The following HDAC9 variants were observed in gnomAD, a reference collection of about 807,000 sequenced individuals.
HDAC9 encodes MEF-2 interacting transcription repressor (MITR) protein.
In HDAC9, 41 loss-of-function variants were observed where a neutral mutation model predicts 139.4. The observed-to-expected ratio is 0.29, with a 90% confidence interval of 0.23 to 0.38. The LOEUF is 0.38. Ranked by LOEUF, HDAC9 falls within the 10% of genes least tolerant of loss-of-function variation. The pLI is 1.00. For synonymous variants in HDAC9, 517 were observed against 476.2 expected (o/e 1.09, Z -1.12); for missense variants, 1,147 against 1,297.0 (o/e 0.88, Z 1.78).
At chr7:18,195,655 C>A (rs1790674517) in intron 2 of HDAC9, among the ~76,000 whole-genome samples, 1 of 152,146 alleles carries the variant, frequency 6.6e-6, no homozygotes. Context: ...GCCTGCTTCT[C>A]CTCAGCCCTA....
At chr7:18,340,309 C>T (rs1781905977) in intron 1 of HDAC9, among the ~76,000 whole-genome samples, 1 of 151,322 alleles carries the variant, frequency 6.6e-6, no homozygotes, top group Non-Finnish European at 1.5e-5. Context: ...ATTTTTAATC[C>T]AATCTGGTAA....
intron 13 of HDAC9, among the ~76,000 whole-genome samples, chr7:18,746,177 A>G (rs746569560): frequency 4.6e-5 from 7 of 152,100 alleles, no homozygotes; most frequent in Non-Finnish European, 1.0e-4. Context: ...GGCCAAAAAT[A>G]TATTTTCAAA....
chr7:18,394,984 T>C (rs555249730), intron 1 of HDAC9: 1 of 152,170 alleles, frequency 6.6e-6, no homozygotes, highest in African/African-American at 2.4e-5. Flanking sequence ...ATTCAGACAT[T>C]TAATAGTATT....
At chr7:18,851,088 A>G (rs1797251928) in intron 21 of HDAC9, among the ~76,000 whole-genome samples, 1 of 152,166 alleles carries the variant, frequency 6.6e-6, no homozygotes, top group Non-Finnish European at 1.5e-5. Context: ...AGAATTAACC[A>G]ATTCTTGTGG....
chr7:18,172,740 TTTCCC>T (rs1788550293), intron 2 of HDAC9, among the ~76,000 whole-genome samples: 1 of 152,244 alleles, frequency 6.6e-6, no homozygotes, highest in South Asian at 2.1e-4. Context: ...GGTTGTTCAG[TTTCCC>T]TGTAGTTGTG....
intron 11 of HDAC9, among the ~76,000 whole-genome samples, chr7:18,661,372 A>G (rs751264353): frequency 1.2e-4 from 19 of 152,104 alleles, no homozygotes; most frequent in Non-Finnish European, 2.6e-4. Context: ...GATATTCTAG[A>G]TCTAAGAAAA....
At chr7:18,782,251 T>G (rs796402250) in intron 16 of HDAC9, among the ~76,000 whole-genome samples, 31 of 152,218 alleles carry the variant, frequency 2.0e-4, no homozygotes, top group African/African-American at 7.2e-4. Flanking sequence ...ACATTAAACA[T>G]GCACAGTGCA....
chr7:18,845,271 C>A (rs116845312), intron 21 of HDAC9, among the ~76,000 whole-genome samples: 1,525 of 152,180 alleles, frequency 0.01, 13 homozygotes, highest in Non-Finnish European at 0.015. Context: ...TTTTGTCTCT[C>A]TTCTAAGATA....
chr7:18,575,345 G>GA (rs1013608814), intron 2 of HDAC9, among the ~76,000 whole-genome samples: 6 of 151,614 alleles, frequency 4.0e-5, no homozygotes, highest in Non-Finnish European at 8.8e-5. Context: ...TGGAAGATTT[G>GA]AAAAAAAATC....
intron 1 of HDAC9, among the ~76,000 whole-genome samples, chr7:18,391,125 C>T (rs955237767): frequency 1.3e-5 from 2 of 152,150 alleles, no homozygotes; most frequent in Non-Finnish European, 2.9e-5. Flanking sequence ...TGGCTCATGC[C>T]TGTAATCCTA....
chr7:18,743,492 A>AG (rs1787641530), intron 13 of HDAC9, among the ~76,000 whole-genome samples: 1 of 152,196 alleles, frequency 6.6e-6, no homozygotes, highest in Non-Finnish European at 1.5e-5. Flanking sequence ...TTTCACAAAT[A>AG]ATTTAAAAAT....
chr7:18,525,888 T>A (rs1239343393), intron 2 of HDAC9, among the ~76,000 whole-genome samples: 1 of 152,204 alleles, frequency 6.6e-6, no homozygotes, highest in African/African-American at 2.4e-5. Context: ...ATACGATTTC[T>A]GGCTTACTTG....
chr7:18,483,213 G>T (rs1243124553), intron 1 of HDAC9, among the ~76,000 whole-genome samples: 1 of 152,156 alleles, frequency 6.6e-6, no homozygotes, highest in Non-Finnish European at 1.5e-5. Flanking sequence ...AGAAAACAAA[G>T]GCTTCAATGA....
At chr7:18,138,946 A>G (rs192111588) in intron 1 of HDAC9, among the ~76,000 whole-genome samples, 5 of 152,246 alleles carry the variant, frequency 3.3e-5, no homozygotes, top group East Asian at 1.9e-4. Flanking sequence ...TGCTATGATT[A>G]TGTTTATGCT....
chr7:18,177,976 T>C (rs1469438856), intron 2 of HDAC9, among the ~76,000 whole-genome samples: 1 of 152,016 alleles, frequency 6.6e-6, no homozygotes, highest in East Asian at 1.9e-4. Context: ...CTTTTCTTTT[T>C]GCTTATTCAT....
At chr7:18,561,604 C>T (rs941950009) in intron 2 of HDAC9, among the ~76,000 whole-genome samples, 12 of 152,254 alleles carry the variant, frequency 7.9e-5, no homozygotes, top group African/African-American at 2.9e-4. Context: ...TTCTCTTTTC[C>T]ATACTACCAG....
At chr7:18,093,244 C>A (rs553857860) in intron 1 of HDAC9, among the ~76,000 whole-genome samples, 2 of 152,304 alleles carry the variant, frequency 1.3e-5, no homozygotes, top group African/African-American at 4.8e-5. Flanking sequence ...AGGCTAAATA[C>A]TTTGCCAAGG....
intron 1 of HDAC9, among the ~76,000 whole-genome samples, chr7:18,309,577 T>A (rs1799164311): frequency 6.6e-6 from 1 of 152,190 alleles, no homozygotes; most frequent in Non-Finnish European, 1.5e-5. Context: ...GTATGTGTGC[T>A]GAGTATGTTA....
At chr7:18,547,196 A>G (rs954721022) in intron 2 of HDAC9, among the ~76,000 whole-genome samples, 5 of 152,300 alleles carry the variant, frequency 3.3e-5, no homozygotes, top group Middle Eastern at 3.4e-3. Context: ...CTGCTGACCA[A>G]TCAGGGTGGT....
Sources: allele counts gnomAD v4.1 joint callset (sites outside exome capture counted in the v4.1 genomes callset), GRCh38; gene constraint gnomAD v4.1.1; transcripts MANE v1.5; gene names NCBI Gene and HGNC (gene_info 2026-07-23, HGNC 2026-07-21).